The following DOCK5 variants were observed in gnomAD, a reference collection of about 807,000 sequenced individuals.
DOCK5 encodes dedicator of cytokinesis protein 5.
DOCK5 carries 142 observed loss-of-function variants against 251.8 expected under a neutral mutation model. The ratio of observed to expected loss-of-function variants is 0.56; its 90% confidence interval spans 0.49 to 0.65. DOCK5 has a LOEUF of 0.65. DOCK5 is among the 30% of genes least tolerant of loss of function. The pLI is 0.00. For synonymous variants in DOCK5, 842 were observed against 835.5 expected, an observed-to-expected ratio of 1.01 and a Z score of -0.13; for missense variants, 2,111 against 2,312.3, an observed-to-expected ratio of 0.91 and a Z score of 1.79.
chr8:25,373,892 C>A (rs1377895022), intron 36 of DOCK5, among the ~76,000 whole-genome samples: 1 of 152,132 alleles, frequency 6.6e-6, no homozygotes, highest in Non-Finnish European at 1.5e-5. Flanking sequence ...GAAGGATAGA[C>A]AACTTCTGGC....
intron 1 of DOCK5, among the ~76,000 whole-genome samples, chr8:25,232,525 A>G (rs926440168): frequency 3.3e-5 from 5 of 152,174 alleles, no homozygotes; most frequent in African/African-American, 1.2e-4. Flanking sequence ...AGGTTCCAGC[A>G]TTGTCAGGTT....
intron 24 of DOCK5, 77 bp from the exon 25 acceptor site, chr8:25,342,324 T>A: frequency 1.8e-6 from 2 of 1,105,092 alleles, no homozygotes; most frequent in Admixed American, 4.2e-5. Context: ...AATCTCAGAG[T>A]GGAGGAGAAA....
chr8:25,252,968 A>ATTACAGGC (rs1247391009), intron 2 of DOCK5, among the ~76,000 whole-genome samples: 1 of 152,110 alleles, frequency 6.6e-6, no homozygotes, highest in African/African-American at 2.4e-5. Flanking sequence ...AGTAGCTGGG[A>ATTACAGGC]TTACAGGCAC....
In DOCK5 at chr8:25,243,777, T is replaced by C. The variant is rs1350730447; in HGVS notation, c.127+20T>C. 1 of 1,611,270 alleles carries C rather than the reference T, an allele frequency of 6.2e-7. No individual in the cohort carries two copies. The highest frequency in any genetic ancestry group is 8.5e-7 in the Non-Finnish European group (1 of 1,178,064). Reference sequence around the variant, plus strand: ...ACGAGGGTAAGTCTGGCTGGCCTTCTGCCAGATGAGGGCAAGGGAAAAACA... The same window carrying C: ...ACGAGGGTAAGTCTGGCTGGCCTTCCGCCAGATGAGGGCAAGGGAAAAACA... On this transcript the variant is annotated intron_variant, in intron 2 of 51. Transcript: ENST00000276440.
chr8:25,235,836 C>T (rs1191572451), intron 1 of DOCK5, among the ~76,000 whole-genome samples: 2 of 130,304 alleles, frequency 1.5e-5, no homozygotes, highest in Non-Finnish European at 3.1e-5. Flanking sequence ...GTCTCACTGT[C>T]GTGCAGGCTG....
chr8:25,278,603 CTGGTG>C lies in DOCK5; in HGVS notation c.260_264del (p.Leu87ProfsTer52). The C allele has an allele frequency of 1.2e-6, 2 of 1,613,986 alleles. No homozygotes were observed. Among genetic ancestry groups the C allele is most frequent in the Non-Finnish European group, 1.7e-6 (2 of 1,179,886 alleles). On this transcript the variant is annotated frameshift_variant, in exon 5 of 52. Transcript: ENST00000276440. LOFTEE classifies it high-confidence loss of function. ...AACCGTGATTCCTGGCGAGCTCCCC[CTGGTG>C]CAGGAGCTCACGTCCACTCTGCGAG...
intron 1 of DOCK5, among the ~76,000 whole-genome samples, chr8:25,232,351 T>C (rs1288351696): frequency 6.6e-6 from 1 of 151,952 alleles, no homozygotes; most frequent in African/African-American, 2.4e-5. Context: ...AAGGTTTGCA[T>C]TTAAGCTTTG....
chr8:25,358,067 G>A (rs1261918728), intron 27 of DOCK5, among the ~76,000 whole-genome samples: 1 of 152,142 alleles, frequency 6.6e-6, no homozygotes, highest in African/African-American at 2.4e-5. Context: ...ACTGGCTGAA[G>A]GGCTCTGGAG....
At chr8:25,309,753 A>G (rs1482052368) in intron 12 of DOCK5, among the ~76,000 whole-genome samples, 1 of 152,126 alleles carries the variant, frequency 6.6e-6, no homozygotes, top group Non-Finnish European at 1.5e-5. Flanking sequence ...CTCGGGAGGC[A>G]AAAGTTTCAG....
chr8:25,410,494 C>T (rs1331001139), intron 51 of DOCK5, among the ~76,000 whole-genome samples: 1 of 151,932 alleles, frequency 6.6e-6, no homozygotes, highest in Non-Finnish European at 1.5e-5. Flanking sequence ...CAGGGTCTGG[C>T]TCTGTCACCC....
At chr8:25,390,602 T>C (rs1350611684) in intron 42 of DOCK5, among the ~76,000 whole-genome samples, 1 of 152,184 alleles carries the variant, frequency 6.6e-6, no homozygotes, top group Non-Finnish European at 1.5e-5. Context: ...TTGGTTTTTT[T>C]AGGCAGAGGA....
chr8:25,302,384 C>T lies in DOCK5; in HGVS notation c.906C>T (p.Arg302=), dbSNP rs770636225. ...PRVSLVCQIV[R]VGHMELKEGK... ...TCAGCCTTGTGTGCCAGATTGTCCG[C>T]GTGGGCCATATGGAGCTGAAGGAAG... Residue 302 remains arginine, a synonymous_variant, in exon 10 of 52, where the codon CGC becomes CGT. Coordinates refer to ENST00000276440, the MANE Select transcript of DOCK5 (RefSeq NM_024940.8). The T allele has an allele frequency of 1.2e-5, 19 of 1,611,002 alleles. No homozygotes were observed. Among genetic ancestry groups the T allele is most frequent in the Middle Eastern group, 1.6e-4 (1 of 6,082 alleles).
Position 25,382,874 on chromosome 8 carries a change from C to A in DOCK5, c.4131+96C>A, listed in dbSNP as rs896126339. The A allele has an allele frequency of 6.0e-6, 6 of 1,006,946 alleles. No homozygotes were observed. The African/African-American group carries it at 9.8e-5, about 16-fold the overall frequency. The allele number at this position is 1,006,946 out of a possible 1,614,324, so 62.4% of individuals were successfully genotyped here. A position where few individuals can be genotyped will look rare whatever the true frequency, so the allele number is the denominator to read the frequency against. ...CAACAGGGTGTTAGCAGCTGCCGAC[C>A]CGTGTTCTCGCTGTGGGAGGTAGGG... On this transcript the variant is annotated intron_variant, in intron 40 of 51. Transcript: ENST00000276440.
intron 1 of DOCK5, among the ~76,000 whole-genome samples, chr8:25,205,229 C>G (rs1425916482): frequency 6.6e-6 from 1 of 151,946 alleles, no homozygotes; most frequent in African/African-American, 2.4e-5. Context: ...CTCTCCCTCT[C>G]TCTCGCTCTT....
intron 2 of DOCK5, among the ~76,000 whole-genome samples, chr8:25,247,763 T>G (rs1044577332): frequency 6.6e-6 from 1 of 152,174 alleles, no homozygotes; most frequent in Admixed American, 6.5e-5. Flanking sequence ...TCAAATACCA[T>G]GCACTTGAGT....
intron 1 of DOCK5, among the ~76,000 whole-genome samples, chr8:25,190,776 G>GTTTTTTTTTTTTTT (rs71214554): frequency 4.7e-5 from 3 of 63,400 alleles, no homozygotes; most frequent in Admixed American, 2.9e-4. Context: ...TTGGTCATGG[G>GTTTTTTTTTTTTTT]TTTTTTTTTT....
chr8:25,382,863 C>A, intron 40 of DOCK5, 85 bp downstream of exon 40: 1 of 1,105,520 alleles, frequency 9.0e-7, no homozygotes, highest in Non-Finnish European at 1.3e-6. Context: ...AGGGTGTTAG[C>A]AGCTGCCGAC....
At chr8:25,354,198 A>C (rs774207578) in intron 27 of DOCK5, among the ~76,000 whole-genome samples, 17 of 152,142 alleles carry the variant, frequency 1.1e-4, no homozygotes, top group Non-Finnish European at 1.8e-4. Context: ...AATTTAGCAG[A>C]TCAAGATGGA....
At chr8:25,200,486 G>A (rs887958842) in intron 1 of DOCK5, among the ~76,000 whole-genome samples, 1 of 152,244 alleles carries the variant, frequency 6.6e-6, no homozygotes, top group African/African-American at 2.4e-5. Context: ...AGAGTGGCAT[G>A]TAGTGGTTGA....
Sources: gnomAD v4.1 joint callset for allele counts (sites outside exome capture counted in the v4.1 genomes callset) on GRCh38, gnomAD v4.1.1 for gene constraint, MANE v1.5 for transcripts, NCBI Gene and HGNC (gene_info 2026-07-23, HGNC 2026-07-21) for gene names.